RAB31: variants seen among roughly 807,000 people sequenced by gnomAD.
RAB31 encodes the protein ras-related protein Rab-31.
RAB31 carries 21 observed loss-of-function variants against 25.6 expected under a neutral mutation model. The observed-to-expected ratio is 0.82, with a 90% confidence interval of 0.58 to 1.18. RAB31 has a LOEUF of 1.18. Among genes scored for constraint, RAB31 ranks in the 50% most tolerant of loss-of-function variants. RAB31 has a pLI of 0.00. For missense variants in RAB31, 196 were observed against 250.1 expected, an observed-to-expected ratio of 0.78 and a Z score of 1.46; for synonymous variants, 87 against 84.0, an observed-to-expected ratio of 1.04 and a Z score of -0.20.
At position 9,777,793 on chromosome 18, in the gene RAB31, C is replaced by T. The variant is rs142603601; in HGVS notation, c.119+2436C>T. ...TTTTTGAGACGGCGTCTTGCTCTGT[C>T]GCCCATGCTAGAGTGCAATGGTGTG... On this transcript the variant is annotated intron_variant, in intron 2 of 6. Coordinates refer to ENST00000578921, the MANE Select transcript of RAB31 (RefSeq NM_006868.4). Among the ~76,000 whole-genome samples, 785 of 134,436 alleles carry T rather than the reference C, an allele frequency of 5.8e-3. 5 individuals are homozygous for T. The highest frequency in any genetic ancestry group is 0.022 in the African/African-American group (745 of 34,398). 88.2% of individuals were successfully genotyped at this position (134,436 alleles called of 152,430 possible).
In RAB31 at chr18:9,773,563, G is replaced by A. The variant is rs114165036; in HGVS notation, c.40-1715G>A. 6.3e-3 allele frequency among the ~76,000 whole-genome samples: 952 copies of A among 152,114 alleles called. 14 individuals carry two copies. Among genetic ancestry groups the A allele is most frequent in the African/African-American group, 0.021 (887 of 41,486 alleles). The stretch of plus-strand genomic sequence containing the variant: ...AGAACAGCAGCCATTAACAATTGAG[G>A]GCAGATGCTTTTTTCTACTTTCTTC... On this transcript the variant is annotated intron_variant, in intron 1 of 6. Coordinates refer to ENST00000578921, the MANE Select transcript of RAB31 (RefSeq NM_006868.4).
At chr18:9,837,787 G>C (rs951533213) in intron 5 of RAB31, among the ~76,000 whole-genome samples, 1 of 152,152 alleles carries the variant, frequency 6.6e-6, no homozygotes, top group Non-Finnish European at 1.5e-5. Flanking sequence ...GTACGATGCA[G>C]TTCTACTCTT....
intron 1 of RAB31, among the ~76,000 whole-genome samples, chr18:9,759,544 A>C (rs1049484385): frequency 1.3e-5 from 2 of 151,346 alleles, no homozygotes; most frequent in Non-Finnish European, 2.9e-5. Flanking sequence ...CTCACCAAAA[A>C]AAAAAATTAC....
chr18:9,793,353 C>G lies in RAB31; in HGVS notation c.201+1118C>G, dbSNP rs2068470909. Among the ~76,000 whole-genome samples the G allele has an allele frequency of 2.0e-5, 3 of 152,062 alleles. No homozygotes were observed. The South Asian group carries it at 6.2e-4, about 32-fold the overall frequency. On this transcript the variant is annotated intron_variant, in intron 3 of 6. Coordinates refer to ENST00000578921, the MANE Select transcript of RAB31 (RefSeq NM_006868.4). ...TTGGCCTCCCGAAGTGCTGGGATTG[C>G]AGGTGTCAGTCATAATATAAAAGTT...
At chr18:9,777,082 C>T (rs2068375847) in intron 2 of RAB31, among the ~76,000 whole-genome samples, 1 of 152,122 alleles carries the variant, frequency 6.6e-6, no homozygotes. Flanking sequence ...TGGTTCACGC[C>T]TGTAATTCTA....
chr18:9,810,216 A>G (rs537468821), intron 3 of RAB31, among the ~76,000 whole-genome samples: 2 of 152,354 alleles, frequency 1.3e-5, no homozygotes, highest in African/African-American at 4.8e-5. Flanking sequence ...CTGTTGTGCT[A>G]ATTTTCAAAT....
At chr18:9,764,650 G>T (rs923888734) in intron 1 of RAB31, among the ~76,000 whole-genome samples, 1 of 152,000 alleles carries the variant, frequency 6.6e-6, no homozygotes, top group African/African-American at 2.4e-5. Context: ...CTTCCTTTCC[G>T]CTTATTTTTT....
At chr18:9,791,388 CTTTTTTTTTTTTT>C (rs35523044) in intron 2 of RAB31, among the ~76,000 whole-genome samples, 12 of 59,570 alleles carry the variant, frequency 2.0e-4, no homozygotes, top group East Asian at 1.1e-3. Flanking sequence ...GAAACACAGT[CTTTTTTTTTTTTT>C]TTTTTTTTTT....
chr18:9,803,795 T>C (rs1179968688), intron 3 of RAB31, among the ~76,000 whole-genome samples: 1 of 152,210 alleles, frequency 6.6e-6, no homozygotes. Flanking sequence ...GAGGGGACCC[T>C]GACGGCAGCT....
chr18:9,755,838 G>A (rs11661634), intron 1 of RAB31, among the ~76,000 whole-genome samples: 38,528 of 152,146 alleles, frequency 0.25, 5,081 homozygotes, highest in African/African-American at 0.3. Context: ...GAGGAAGTGG[G>A]GGCTTTTGCT....
intron 1 of RAB31, among the ~76,000 whole-genome samples, chr18:9,744,545 C>T (rs903639828): frequency 1.1e-4 from 17 of 152,068 alleles, no homozygotes; most frequent in East Asian, 5.8e-4. Context: ...TTATTTTTAA[C>T]GTAATATTTT....
intron 2 of RAB31, among the ~76,000 whole-genome samples, chr18:9,783,074 G>C (rs527509716): frequency 6.6e-6 from 1 of 152,124 alleles, no homozygotes; most frequent in South Asian, 2.1e-4. Flanking sequence ...GAGAGATCAG[G>C]AACACAGAGG....
At chr18:9,771,147 G>A (rs2068342944) in intron 1 of RAB31, among the ~76,000 whole-genome samples, 1 of 151,974 alleles carries the variant, frequency 6.6e-6, no homozygotes, top group Admixed American at 6.6e-5. Flanking sequence ...TTCCAGCCTG[G>A]GTGACAGAGC....
chr18:9,773,635 A>T (rs950221052), intron 1 of RAB31, among the ~76,000 whole-genome samples: 2 of 152,046 alleles, frequency 1.3e-5, no homozygotes, highest in African/African-American at 4.8e-5. Context: ...TCCTCCATGA[A>T]ATTTTAATTT....
At chr18:9,859,080 A>AAAGG (rs2068833776) in intron 6 of RAB31, 148 bp from the exon 7 acceptor site, 2 of 646,028 alleles carry the variant, frequency 3.1e-6, no homozygotes, top group East Asian at 2.8e-5. Flanking sequence ...GGGAGGAAGG[A>AAAGG]AAGGAAGGAA....
chr18:9,814,510 G>A (rs775294921), intron 4 of RAB31: 1 of 159,578 alleles, frequency 6.3e-6, no homozygotes, highest in Non-Finnish European at 1.4e-5. Flanking sequence ...TAGTTATCAC[G>A]TTGAAGGTCT....
At chr18:9,774,250 C>G (rs2068360604) in intron 1 of RAB31, among the ~76,000 whole-genome samples, 1 of 152,070 alleles carries the variant, frequency 6.6e-6, no homozygotes, top group Admixed American at 6.6e-5. Context: ...GTGGGCTTAT[C>G]CAGCTTAGGG....
chr18:9,740,764 T>C (rs997669398), intron 1 of RAB31, among the ~76,000 whole-genome samples: 13 of 152,142 alleles, frequency 8.5e-5, no homozygotes, highest in African/African-American at 3.1e-4. Context: ...CAGATCATAC[T>C]GTGCTCACAC....
intron 1 of RAB31, among the ~76,000 whole-genome samples, chr18:9,748,726 A>G (rs1019286228): frequency 1.3e-5 from 2 of 151,922 alleles, no homozygotes; most frequent in Non-Finnish European, 2.9e-5. Flanking sequence ...CCCCATCTTT[A>G]ATAAAAATAC....
Sources: gnomAD v4.1 joint callset for allele counts (sites outside exome capture counted in the v4.1 genomes callset) on GRCh38, gnomAD v4.1.1 for gene constraint, MANE v1.5 for transcripts, NCBI Gene and HGNC (gene_info 2026-07-23, HGNC 2026-07-21) for gene names.